Variants in ZZEF1 observed in about 807,000 individuals in gnomAD.
ZZEF1 encodes the protein zinc finger ZZ-type and EF-hand domain-containing protein 1.
ZZEF1 carries 157 observed loss-of-function variants against 342.8 expected under a neutral mutation model. The observed-to-expected ratio is 0.46, with a 90% CI of 0.40 to 0.52. The LOEUF is 0.52. Among genes scored for constraint, ZZEF1 ranks in the 20% least tolerant of loss-of-function variants. The pLI is 0.00. For missense variants in ZZEF1, 3,480 were observed against 3,725.6 expected, an observed-to-expected ratio of 0.93 and a Z score of 1.72; for synonymous variants, 1,505 against 1,429.1, an observed-to-expected ratio of 1.05 and a Z score of -1.20.
intron 45 of ZZEF1, chr17:4,020,050 C>A (rs771406215): frequency 1.3e-5 from 4 of 308,990 alleles, no homozygotes; most frequent in South Asian, 1.1e-4. Flanking sequence ...TAGATACTTA[C>A]CACATCGTAT....
At position 4,062,769 on chromosome 17, in the gene ZZEF1, G is replaced by C. The variant is rs1362957304; in HGVS notation, c.4867C>G (p.Gln1623Glu). ...ILFLLELLTC[Q>E]KDFTNYFGHL... is the part of the protein sequence containing the mutation. ...TGTACTTACTTGGTAAAATCTTTCT[G>C]ACAGGTCAGAAGTTCCAACAGGAAA... is the stretch of plus-strand genomic sequence containing the variant. The change falls in exon 30 of 55, where the codon CAG becomes GAG. Residue 1623 changes from glutamine (Q) to glutamate (E), a missense_variant. By Grantham distance (29) the Gln-to-Glu change is conservative. Coordinates refer to ENST00000381638, the MANE Select transcript of ZZEF1 (RefSeq NM_015113.4). 1 of 1,607,418 alleles carries C rather than the reference G, an allele frequency of 6.2e-7. No homozygotes were observed. The highest frequency in any genetic ancestry group is 8.5e-7 in the Non-Finnish European group (1 of 1,176,566).
intron 11 of ZZEF1, among the ~76,000 whole-genome samples, chr17:4,092,954 A>G (rs1047637184): frequency 5.3e-5 from 8 of 151,700 alleles, no homozygotes; most frequent in African/African-American, 9.7e-5. Context: ...CCAGGAGGAC[A>G]TGACCAAAAA....
intron 43 of ZZEF1, among the ~76,000 whole-genome samples, chr17:4,023,534 A>C (rs13341034): frequency 0.11 from 17,278 of 152,094 alleles, 1,043 homozygotes; most frequent in Middle Eastern, 0.13. Flanking sequence ...CTAAAGAAAC[A>C]GCAGGCTGGG....
chr17:4,093,890 G>A (rs1251855181), intron 11 of ZZEF1, among the ~76,000 whole-genome samples: 2 of 152,046 alleles, frequency 1.3e-5, no homozygotes, highest in Non-Finnish European at 1.5e-5. Context: ...GGCTACATCC[G>A]ACAGATCCAC....
chr17:4,065,618 C>A (rs533409146), intron 28 of ZZEF1, among the ~76,000 whole-genome samples: 1 of 152,024 alleles, frequency 6.6e-6, no homozygotes, highest in African/African-American at 2.4e-5. Context: ...ACTCAGCTTC[C>A]GTCATTATTA....
intron 6 of ZZEF1, 80 bp downstream of exon 6, chr17:4,109,573 C>T (rs1056368645): frequency 6.8e-7 from 1 of 1,460,208 alleles, no homozygotes; most frequent in Non-Finnish European, 9.5e-7. Context: ...TGATGGAAGG[C>T]TGCTCAGTGA....
chr17:4,088,416 T>TG (rs1163943283), intron 13 of ZZEF1, among the ~76,000 whole-genome samples: 1 of 152,148 alleles, frequency 6.6e-6, no homozygotes, highest in Non-Finnish European at 1.5e-5. Flanking sequence ...CCAGGGCTCT[T>TG]GAAGATGTGT....
At chr17:4,070,545 G>A (rs1220119158) in intron 26 of ZZEF1, 139 bp downstream of exon 26, 2 of 1,108,478 alleles carry the variant, frequency 1.8e-6, no homozygotes, top group East Asian at 5.3e-5. Flanking sequence ...AATAGGCAAA[G>A]TAGAACCAAC....
intron 34 of ZZEF1, 112 bp downstream of exon 34, chr17:4,053,945 C>T: frequency 8.2e-7 from 1 of 1,223,118 alleles, no homozygotes; most frequent in South Asian, 1.7e-5. Flanking sequence ...GAGAAAATAC[C>T]ACTGGGCAGT....
At position 4,082,948 on chromosome 17, in the gene ZZEF1, G is replaced by C. The variant is rs1158502925; in HGVS notation, c.2647-444C>G. On this transcript the variant is annotated intron_variant, in intron 16 of 54. Transcript: ENST00000381638. ...CCACTACCACGCCTGGCTAATTTTT[G>C]TATTTTTAGTAGAGACGGGGTTTCA... is the stretch of plus-strand genomic sequence containing the variant. Among the ~76,000 whole-genome samples the C allele has an allele frequency of 2.6e-5, 4 of 152,236 alleles. No homozygotes were observed. The East Asian group carries it at 7.7e-4, about 29-fold the overall frequency.
intron 5 of ZZEF1, among the ~76,000 whole-genome samples, chr17:4,112,061 T>TAC (rs1567851554): frequency 1.9e-4 from 9 of 46,658 alleles, no homozygotes; most frequent in African/African-American, 9.4e-4. Context: ...TATATATATA[T>TAC]ATATATATAT....
At chr17:4,126,250 T>C (rs1216628245) in intron 1 of ZZEF1, among the ~76,000 whole-genome samples, 1 of 143,898 alleles carries the variant, frequency 6.9e-6, no homozygotes, top group Non-Finnish European at 1.5e-5. Flanking sequence ...AAAAAAGAGT[T>C]AGGAGGCTCT....
Position 4,004,537 on chromosome 17 carries a change from A to C in ZZEF1, c.*2353T>G, listed in dbSNP as rs2055763090. ...TCCTTTTTACAGGCTGAACTCACTC[A>C]GGCTGATAGAATCAAAATTCTTTCA... On this transcript the variant is annotated 3_prime_UTR_variant, in exon 55 of 55. Transcript: ENST00000381638. The C allele has an allele frequency of 6.6e-6, 1 of 152,596 alleles. No homozygotes were observed. Among genetic ancestry groups the C allele is most frequent in the Non-Finnish European group, 1.5e-5 (1 of 68,042 alleles). 9.5% of individuals were successfully genotyped at this position (152,596 alleles called of 1,614,324 possible).
chr17:4,007,342 G>A (rs577582735), intron 54 of ZZEF1, among the ~76,000 whole-genome samples: 1 of 152,380 alleles, frequency 6.6e-6, no homozygotes, highest in South Asian at 2.1e-4. Context: ...AGAGAAAACA[G>A]GGCCAGGAGG....
Position 4,026,394 on chromosome 17 carries a change from T to C in ZZEF1, c.6893-1276A>G, listed in dbSNP as rs548175103. Among the ~76,000 whole-genome samples, 29 of 152,208 alleles carry C rather than the reference T, an allele frequency of 1.9e-4. No homozygotes were observed. In the South Asian group the frequency reaches 4.6e-3, roughly 24 times the overall value. The stretch of plus-strand genomic sequence containing the variant: ...AAATCATGTCAAGGCACATGCATAA[T>C]TGAATTGCTAAAAATATAGCCAGAG... On this transcript the variant is annotated intron_variant, in intron 42 of 54. Coordinates refer to ENST00000381638, the MANE Select transcript of ZZEF1 (RefSeq NM_015113.4).
Position 4,104,750 on chromosome 17 carries a change from C to A in ZZEF1, c.1456G>T (p.Val486Phe). The A allele has an allele frequency of 6.2e-7, 1 of 1,614,160 alleles. No individual in the cohort carries two copies. The highest frequency in any genetic ancestry group is 8.5e-7 in the Non-Finnish European group (1 of 1,180,012). The change falls in exon 8 of 55, where the codon GTT (valine) becomes TTT (phenylalanine). Residue 486 changes from valine (V) to phenylalanine (F), a missense_variant. Physicochemically the swap from Val to Phe is conservative, Grantham distance 50. Around this residue, in one of 5 missense-constraint regions of ZZEF1, gnomAD observed 1,528 missense variants for 1,624.1 expected, o/e 0.94. Transcript: ENST00000381638. ...CATAGAGAGCTCATGACTTTGGCAACACTTCCTCTTGCGAGAGCAAAAGCC... is the reference window on the plus strand; with the variant it reads ...CATAGAGAGCTCATGACTTTGGCAAAACTTCCTCTTGCGAGAGCAAAAGCC... The part of the protein sequence containing the change: ...LLAFALARGS[V>F]AKVMSSLCTI...
intron 28 of ZZEF1, among the ~76,000 whole-genome samples, chr17:4,065,324 G>A (rs1286065067): frequency 2.0e-5 from 3 of 151,718 alleles, no homozygotes; most frequent in African/African-American, 7.3e-5. Flanking sequence ...TTGAGTCTGA[G>A]AAGTTGAAGC....
intron 25 of ZZEF1, among the ~76,000 whole-genome samples, chr17:4,071,606 T>G (rs1182024531): frequency 6.6e-6 from 1 of 152,066 alleles, no homozygotes; most frequent in Non-Finnish European, 1.5e-5. Context: ...ATGAACATCA[T>G]GAGGAAGAAT....
Position 4,090,733 on chromosome 17 carries a change from A to G in ZZEF1, c.2011T>C (p.Cys671Arg). The G allele has an allele frequency of 1.2e-6, 2 of 1,614,046 alleles. No homozygotes were observed. The highest frequency in any genetic ancestry group is 1.7e-6 in the Non-Finnish European group (2 of 1,179,966). The change falls in exon 12 of 55, where the codon TGC (cysteine) becomes CGC (arginine). Residue 671 changes from cysteine to arginine, a missense_variant. This residue lies in a region of ZZEF1 where 1,528 missense variants were observed against 1,624.1 expected (regional missense o/e 0.94). Transcript: ENST00000381638. Reference protein sequence around the residue: ...WDEADVKLQQCRVAKYLMVKF... With the variant: ...WDEADVKLQQRRVAKYLMVKF... Reference sequence around the variant, plus strand: ...CTAATGCTTACTTTGGCAACTCTGCACTGTTGCAGCTTCACATCTGCTTCA... The same window carrying G: ...CTAATGCTTACTTTGGCAACTCTGCGCTGTTGCAGCTTCACATCTGCTTCA...
Sources: gnomAD v4.1 joint callset for allele counts (sites outside exome capture counted in the v4.1 genomes callset) on GRCh38, gnomAD v4.1.1 for gene constraint, gnomAD v4.1.1 regional missense constraint, MANE v1.5 for transcripts, NCBI Gene and HGNC (gene_info 2026-07-23, HGNC 2026-07-21) for gene names.